TKFC: variants seen among roughly 807,000 people sequenced by gnomAD.
TKFC encodes triokinase/FMN cyclase.
In TKFC, 46 loss-of-function variants were observed where a neutral mutation model predicts 61.0. The ratio of observed to expected loss-of-function variants is 0.75; its 90% CI spans 0.60 to 0.96. The LOEUF is 0.96. Ranked by LOEUF, TKFC falls within the 50% of genes least tolerant of loss-of-function variation. The pLI, the probability that TKFC is intolerant of heterozygous loss-of-function variation, is 0.00. For synonymous variants in TKFC, 314 were observed against 330.1 expected (o/e 0.95, Z 0.53); for missense variants, 715 against 777.5 (o/e 0.92, Z 0.96).
intron 1 of TKFC, chr11:61,334,316 A>G (rs954141283): frequency 1.2e-5 from 2 of 172,516 alleles, no homozygotes; most frequent in Non-Finnish European, 2.5e-5. Context: ...TTTTCGCTGC[A>G]TGTGATGCCC....
chr11:61,341,759 C>A (rs1856863996), intron 6 of TKFC, 64 bp from the exon 7 acceptor site: 2 of 1,497,302 alleles, frequency 1.3e-6, no homozygotes, highest in African/African-American at 1.4e-5. Context: ...ATGCTGCTGC[C>A]ACCCTTCCTG....
chr11:61,338,182 CT>C, intron 3 of TKFC, 52 bp downstream of exon 3: 1 of 1,470,380 alleles, frequency 6.8e-7, no homozygotes, highest in South Asian at 1.4e-5. Context: ...ACAGGGCCTC[CT>C]GGGGGATCCT....
intron 2 of TKFC, among the ~76,000 whole-genome samples, chr11:61,337,342 C>T (rs990639517): frequency 6.6e-6 from 1 of 152,190 alleles, no homozygotes; most frequent in African/African-American, 2.4e-5. Flanking sequence ...GATGGAGTCT[C>T]ATCATGTTGC....
At chr11:61,350,831 C>T (rs1590596393), downstream of TKFC, 3 of 1,027,100 alleles carry the variant, frequency 2.9e-6, no homozygotes, top group Admixed American at 6.1e-5. Context: ...TGGTTTGGGA[C>T]CAGTGCTCCC....
chr11:61,347,077 ACCCCCGAC>A lies in TKFC; in HGVS notation c.*577_*584del. ...CCTCAGCTGGGCTGCTTCCACTGAG[ACCCCCGAC>A]CCATCCCCTTTCCAGTACACACACC... On this transcript the variant is annotated 3_prime_UTR_variant, in exon 18 of 18. Transcript: ENST00000394900. 2 of 985,498 alleles carry A rather than the reference ACCCCCGAC, an allele frequency of 2.0e-6. No homozygotes were observed. The highest frequency in any genetic ancestry group is 3.5e-5 in the African/African-American group (2 of 57,270). The allele number at this position is 985,498 out of a possible 1,614,324, so 61.0% of individuals were successfully genotyped here. A position where few individuals can be genotyped will look rare whatever the true frequency, so the allele number is the denominator to read the frequency against.
At position 61,346,055 on chromosome 11, in the gene TKFC, TTCTC is replaced by T. The variant is rs1857107812; in HGVS notation, c.1575+111_1575+114del. On this transcript the variant is annotated intron_variant, in intron 17 of 17. Coordinates refer to ENST00000394900, the MANE Select transcript of TKFC (RefSeq NM_015533.4). The surrounding 1 kb of genome is among the most constrained non-coding windows in gnomAD (Gnocchi z 4.1). ...ATAACCTTCCTGGACCGCAGTTTCC[TTCTC>T]TGTACAATGGAGATGAGCACCTATC... 2 of 1,261,570 alleles carry T rather than the reference TTCTC, an allele frequency of 1.6e-6. No homozygotes were observed. The highest frequency in any genetic ancestry group is 2.2e-6 in the Non-Finnish European group (2 of 908,810). 78.1% of individuals were successfully genotyped at this position (1,261,570 alleles called of 1,614,324 possible). A position where few individuals can be genotyped will look rare whatever the true frequency, so the allele number is the denominator to read the frequency against.
At position 61,343,989 on chromosome 11, in the gene TKFC, C is replaced by A; in HGVS notation, c.1102+14C>A. On this transcript the variant is annotated intron_variant, in intron 12 of 17. Coordinates refer to ENST00000394900, the MANE Select transcript of TKFC (RefSeq NM_015533.4). ...CTGCTGCAGGAGGTACCAACCCCTG[C>A]CTTTGGGGAAGGGACAGGCTTCCCA... 1 of 1,609,756 alleles carries A rather than the reference C, an allele frequency of 6.2e-7. No homozygotes were observed. The highest frequency in any genetic ancestry group is 8.5e-7 in the Non-Finnish European group (1 of 1,179,324).
chr11:61,343,266 G>A (rs1393250503), intron 10 of TKFC, 76 bp from the exon 11 acceptor site: 2 of 1,386,976 alleles, frequency 1.4e-6, no homozygotes, highest in African/African-American at 1.4e-5. Flanking sequence ...CAGCTTCCAA[G>A]GTCCTTGCTT....
At position 61,348,862 on chromosome 11, in the gene TKFC, C is replaced by G. The variant is rs1047074198; in HGVS notation, c.*2359C>G. ...CTTCATAAACCAGTGAAATGCCTACCCCTATGGAGATGGGGAGCTGGTCAT... is the reference window on the plus strand; with the variant it reads ...CTTCATAAACCAGTGAAATGCCTACGCCTATGGAGATGGGGAGCTGGTCAT... On this transcript the variant is annotated 3_prime_UTR_variant, in exon 18 of 18. Coordinates refer to ENST00000394900, the MANE Select transcript of TKFC (RefSeq NM_015533.4). 6.6e-6 allele frequency: 1 copy of G among 152,446 alleles called. No individual in the cohort carries two copies. Among genetic ancestry groups the G allele is most frequent in the Non-Finnish European group, 1.5e-5 (1 of 68,252 alleles). 9.4% of individuals were successfully genotyped at this position (152,446 alleles called of 1,614,324 possible).
At chr11:61,349,433 C>T, downstream of TKFC, 1 of 658,414 alleles carries the variant, frequency 1.5e-6, no homozygotes, top group Non-Finnish European at 2.8e-6. Context: ...CAAGGCCAGA[C>T]CTGCCCAGCG....
intron 3 of TKFC, 140 bp from the exon 4 acceptor site, chr11:61,338,926 C>T: frequency 1.5e-6 from 1 of 689,464 alleles, no homozygotes; most frequent in Non-Finnish European, 2.4e-6. Flanking sequence ...AGGAGTCAGC[C>T]ATGTGAAGAC....
intron 2 of TKFC, chr11:61,335,180 T>G (rs1034446712): frequency 1.7e-5 from 3 of 177,144 alleles, no homozygotes; most frequent in African/African-American, 7.1e-5. Context: ...GCCCACTGAT[T>G]TGAACCAAAA....
chr11:61,349,304 A>G (rs1857286859), downstream of TKFC: 9 of 493,970 alleles, frequency 1.8e-5, no homozygotes, highest in South Asian at 1.7e-4. Flanking sequence ...CTCAGCAAGG[A>G]ACCCCTCTGA....
downstream of TKFC, chr11:61,351,655 C>A (rs1857416590): frequency 6.6e-6 from 1 of 152,072 alleles, no homozygotes; most frequent in Admixed American, 6.5e-5. Flanking sequence ...GCGGCTCACT[C>A]TTGTAATCCC....
rs4939514 is a variant in TKFC at position 61,342,697 on chromosome 11, A to C, written c.775+39A>C. 1,553,277 of 1,613,670 alleles carry C rather than the reference A, an allele frequency of 0.96. 757,854 individuals are homozygous for C. The highest frequency in any genetic ancestry group is 1 in the Non-Finnish European group (1,177,378 of 1,179,966). The stretch of plus-strand genomic sequence containing the variant: ...CGCCCGCGTCTCCCAACCCCTCCTA[A>C]ACCTCTGGGGAGGAGACGCCCAGAG... On this transcript the variant is annotated intron_variant, in intron 9 of 17. Coordinates refer to ENST00000394900, the MANE Select transcript of TKFC (RefSeq NM_015533.4).
intron 2 of TKFC, among the ~76,000 whole-genome samples, chr11:61,336,757 A>T (rs1277036784): frequency 6.6e-6 from 1 of 152,136 alleles, no homozygotes; most frequent in Non-Finnish European, 1.5e-5. Context: ...GTATCCACTC[A>T]GCCAAGCCTG....
rs1856688204 is a variant in TKFC at position 61,338,070 on chromosome 11, C to T, written c.133C>T (p.Leu45Phe). The change falls in exon 3 of 18, where the codon CTC becomes TTC. Residue 45 changes from leucine to phenylalanine, a missense_variant. Leu to Phe is a conservative substitution (Grantham distance 22, BLOSUM62 0). Coordinates refer to ENST00000394900, the MANE Select transcript of TKFC (RefSeq NM_015533.4). ...RVALRSDLDSLKGRVALLSGG... is the reference protein window; with the variant it reads ...RVALRSDLDSFKGRVALLSGG... Reference sequence around the variant, plus strand: ...GGCCCTCCGTTCTGACCTGGACAGCCTCAAGGGCCGGGTGGCACTGCTGTC... The same window carrying T: ...GGCCCTCCGTTCTGACCTGGACAGCTTCAAGGGCCGGGTGGCACTGCTGTC... 1.2e-6 allele frequency: 2 copies of T among 1,611,488 alleles called. No individual in the cohort carries two copies. The highest frequency in any genetic ancestry group is 8.5e-7 in the Non-Finnish European group (1 of 1,179,618).
At chr11:61,339,673 C>G in intron 5 of TKFC, 1 of 550,556 alleles carries the variant, frequency 1.8e-6, no homozygotes, top group Non-Finnish European at 3.2e-6. Flanking sequence ...GGTCCTGGTG[C>G]TTCTCCTCCC....
intron 11 of TKFC, 139 bp downstream of exon 11, chr11:61,343,597 T>C: frequency 2.3e-6 from 2 of 866,234 alleles, no homozygotes; most frequent in Middle Eastern, 3.4e-4. Flanking sequence ...CCTGGGCTTC[T>C]CCAGCCTTCT....
Sources: allele counts gnomAD v4.1 joint callset (sites outside exome capture counted in the v4.1 genomes callset), GRCh38; gene constraint gnomAD v4.1.1; non-coding constraint Gnocchi (gnomAD v3.1); transcripts MANE v1.5; gene names NCBI Gene and HGNC (gene_info 2026-07-23, HGNC 2026-07-21).